The following SEZ6 variants were observed in gnomAD, a reference collection of about 807,000 sequenced individuals.
SEZ6 encodes seizure protein 6 homolog.
SEZ6 carries 53 observed loss-of-function variants against 101.0 expected under a neutral mutation model. The ratio of observed to expected loss-of-function variants is 0.52; its 90% CI spans 0.42 to 0.66. The LOEUF (loss-of-function observed/expected upper bound fraction) is 0.66, where lower values mean the gene tolerates loss of function less well. SEZ6 is among the 30% of genes least tolerant of loss of function. SEZ6 has a pLI of 0.00. For synonymous variants in SEZ6, 488 were observed against 512.2 expected, an observed-to-expected ratio of 0.95 and a Z score of 0.64; for missense variants, 1,102 against 1,289.4, an observed-to-expected ratio of 0.85 and a Z score of 2.23.
intron 7 of SEZ6, chr17:28,960,197 C>G: frequency 1.7e-6 from 1 of 574,692 alleles, no homozygotes; most frequent in Non-Finnish European, 3.1e-6. Flanking sequence ...ATAAATGGTT[C>G]TAGAATGTCT....
Position 28,957,947 on chromosome 17 carries a change from C to T in SEZ6, c.2302G>A (p.Val768Met), listed in dbSNP as rs750136542. 27 of 1,612,534 alleles carry T rather than the reference C, an allele frequency of 1.7e-5. No individual in the cohort carries two copies. Among genetic ancestry groups the T allele is most frequent in the Non-Finnish European group, 2.3e-5 (27 of 1,178,856 alleles). ...GAGCGTGGGGAACAGGTATACTCAC[C>T]CCTCTGGCATGAGGGCAGGTCCTCA... Reference protein sequence around the residue: ...WSEDLPSCQRVTSCHDPGDVE... With the variant: ...WSEDLPSCQRMTSCHDPGDVE... Residue 768 changes from valine (V) to methionine (M), a missense_variant and splice_region_variant, in exon 11 of 17, where the codon GTG (valine) becomes ATG (methionine). Val to Met is a conservative substitution (Grantham distance 21). Around this residue, in one of 3 missense-constraint regions of SEZ6, gnomAD observed 556 missense variants for 735.1 expected, o/e 0.76. Coordinates refer to ENST00000317338, the MANE Select transcript of SEZ6 (RefSeq NM_178860.5).
intron 1 of SEZ6, among the ~76,000 whole-genome samples, chr17:28,987,460 A>T (rs576956011): frequency 2.0e-5 from 3 of 152,308 alleles, no homozygotes; most frequent in African/African-American, 7.2e-5. Context: ...TCCATGCGCA[A>T]CTGAAATAAT....
At chr17:28,999,084 G>T (rs1009091744) in intron 1 of SEZ6, among the ~76,000 whole-genome samples, 4 of 152,182 alleles carry the variant, frequency 2.6e-5, no homozygotes, top group Non-Finnish European at 4.4e-5. Context: ...TGAATAGAGG[G>T]TTGCTGAATG....
chr17:28,969,882 G>C lies in SEZ6; in HGVS notation c.929C>G (p.Pro310Arg). The part of the protein sequence containing the change: ...VEGLGGPDPL[P>R]LANQSFLLRG... ...CAGCAGGAAAGACTGGTTGGCCAGGGGCAGTGGGTCAGGCCCCCCCAGGCC... is the reference window on the plus strand; with the variant it reads ...CAGCAGGAAAGACTGGTTGGCCAGGCGCAGTGGGTCAGGCCCCCCCAGGCC... The change falls in exon 4 of 17, where the codon CCC becomes CGC. Residue 310 changes from proline (P) to arginine (R), a missense_variant. Around this residue, in one of 3 missense-constraint regions of SEZ6, gnomAD observed 406 missense variants for 418.6 expected, o/e 0.97. Coordinates refer to ENST00000317338, the MANE Select transcript of SEZ6 (RefSeq NM_178860.5). 1.3e-6 allele frequency: 2 copies of C among 1,542,742 alleles called. No individual in the cohort carries two copies. The highest frequency in any genetic ancestry group is 1.7e-6 in the Non-Finnish European group (2 of 1,153,186).
chr17:28,975,845 C>T (rs1019625579), intron 3 of SEZ6, among the ~76,000 whole-genome samples: 1 of 152,244 alleles, frequency 6.6e-6, no homozygotes, highest in Non-Finnish European at 1.5e-5. Context: ...GCCCAGGCTC[C>T]AGATGGTACA....
chr17:28,975,697 C>T (rs2041211575), intron 3 of SEZ6, among the ~76,000 whole-genome samples: 1 of 152,206 alleles, frequency 6.6e-6, no homozygotes, highest in Non-Finnish European at 1.5e-5. Context: ...CTACCCCATG[C>T]CCACATCAGG....
intron 1 of SEZ6, among the ~76,000 whole-genome samples, chr17:29,001,087 G>A (rs767889389): frequency 2.6e-5 from 4 of 152,146 alleles, no homozygotes; most frequent in Non-Finnish European, 4.4e-5. Context: ...ACGAAGTAAA[G>A]GCTGTAATTT....
chr17:28,971,128 T>C lies in SEZ6; in HGVS notation c.859-1176A>G, dbSNP rs1176991916. ...CTTGATAGAAGGAACACTGGATTGA[T>C]TGGGAGCCCAGAAATCTGGGACCTC... On this transcript the variant is annotated intron_variant, in intron 3 of 16. Transcript: ENST00000317338. 5.9e-5 allele frequency among the ~76,000 whole-genome samples: 9 copies of C among 152,336 alleles called. No homozygotes were observed. In the East Asian group the frequency reaches 1.4e-3, roughly 23 times the overall value.
At chr17:29,004,366 G>A (rs1348669740) in intron 1 of SEZ6, among the ~76,000 whole-genome samples, 2 of 152,126 alleles carry the variant, frequency 1.3e-5, no homozygotes, top group East Asian at 1.9e-4. Flanking sequence ...TCTCCTTCCC[G>A]GTCTTCATCC....
At chr17:29,000,713 A>G (rs977182716) in intron 1 of SEZ6, among the ~76,000 whole-genome samples, 1 of 152,128 alleles carries the variant, frequency 6.6e-6, no homozygotes, top group African/African-American at 2.4e-5. Flanking sequence ...TGAGGGGGCT[A>G]TGGAGCCAGA....
chr17:28,957,922 G>A, intron 11 of SEZ6, 25 bp downstream of exon 11: 1 of 1,599,164 alleles, frequency 6.3e-7, no homozygotes, highest in South Asian at 1.1e-5. Context: ...TTGGGAAGGG[G>A]AGCGTGGGGA....
At chr17:28,968,684 C>G (rs1357594861) in intron 4 of SEZ6, among the ~76,000 whole-genome samples, 1 of 152,138 alleles carries the variant, frequency 6.6e-6, no homozygotes, top group Non-Finnish European at 1.5e-5. Context: ...GGTGAGTGCT[C>G]CTTAGGTGGG....
At chr17:28,962,576 C>G (rs766616227) in intron 5 of SEZ6, among the ~76,000 whole-genome samples, 2 of 150,514 alleles carry the variant, frequency 1.3e-5, no homozygotes, top group Non-Finnish European at 3.0e-5. Context: ...GTCAAGAGTT[C>G]GAGATCAGAC....
chr17:28,989,072 G>A (rs1272702884), intron 1 of SEZ6, among the ~76,000 whole-genome samples: 1 of 152,190 alleles, frequency 6.6e-6, no homozygotes, highest in African/African-American at 2.4e-5. Context: ...CATGGAGGGA[G>A]CATGGGTGGA....
intron 1 of SEZ6, among the ~76,000 whole-genome samples, chr17:28,989,078 G>T (rs2041422594): frequency 6.6e-6 from 1 of 152,188 alleles, no homozygotes; most frequent in Admixed American, 6.5e-5. Flanking sequence ...GGGAGCATGG[G>T]TGGAGGTAGT....
intron 3 of SEZ6, among the ~76,000 whole-genome samples, chr17:28,978,039 G>A (rs1007748129): frequency 4.6e-5 from 7 of 152,178 alleles, no homozygotes; most frequent in African/African-American, 1.4e-4. Context: ...GACAGGGTCT[G>A]ATTCAGATAC....
At chr17:28,992,390 A>C (rs780233305) in intron 1 of SEZ6, among the ~76,000 whole-genome samples, 1 of 151,966 alleles carries the variant, frequency 6.6e-6, no homozygotes, top group African/African-American at 2.4e-5. Flanking sequence ...ACGTGTGTGC[A>C]TGAGACCGGG....
At position 28,969,739 on chromosome 17, in the gene SEZ6, C is replaced by G; in HGVS notation, c.1054+18G>C. On this transcript the variant is annotated intron_variant, in intron 4 of 16. Coordinates refer to ENST00000317338, the MANE Select transcript of SEZ6 (RefSeq NM_178860.5). The stretch of plus-strand genomic sequence containing the variant: ...AGCGAGTCTGGGCTGGTTCCACCTT[C>G]AACTACCCAGGCCTTACCTTGGTAA... 6.8e-7 allele frequency: 1 copy of G among 1,460,726 alleles called. No individual in the cohort carries two copies. Among genetic ancestry groups the G allele is most frequent in the South Asian group, 1.5e-5 (1 of 65,982 alleles). The allele number at this position is 1,460,726 out of a possible 1,614,324, so 90.5% of individuals were successfully genotyped here. A position where few individuals can be genotyped will look rare whatever the true frequency, so the allele number is the denominator to read the frequency against.
At chr17:28,956,812 C>T in intron 13 of SEZ6, 55 bp from the exon 14 acceptor site, 1 of 1,540,744 alleles carries the variant, frequency 6.5e-7, no homozygotes, top group South Asian at 1.2e-5. Flanking sequence ...GGCCAAACCA[C>T]TAAGGCAGGG....
Sources: allele counts gnomAD v4.1 joint callset (sites outside exome capture counted in the v4.1 genomes callset), GRCh38; gene constraint gnomAD v4.1.1; regional missense constraint gnomAD v4.1.1; transcripts MANE v1.5; gene names NCBI Gene and HGNC (gene_info 2026-07-23, HGNC 2026-07-21).